Variants in SMYD3 observed in about 807,000 individuals in gnomAD.
The protein encoded by SMYD3 is SET and MYND domain containing 3, also known as histone-lysine N-methyltransferase SMYD3.
In SMYD3, 36 loss-of-function variants were observed where a neutral mutation model predicts 57.7. The ratio of observed to expected loss-of-function variants is 0.62; its 90% CI spans 0.48 to 0.82. The LOEUF (loss-of-function observed/expected upper bound fraction) is 0.82. SMYD3 is among the 40% of genes least tolerant of loss of function. The probability of loss-of-function intolerance (pLI) is 0.00; values close to 1 mark genes in which losing one functional copy is unlikely to be tolerated. For synonymous variants in SMYD3, 211 were observed against 195.0 expected (o/e 1.08, Z -0.68); for missense variants, 515 against 538.8 (o/e 0.96, Z 0.44).
intron 5 of SMYD3, among the ~76,000 whole-genome samples, chr1:246,063,105 AC>A (rs1006313248): frequency 1.3e-5 from 2 of 152,188 alleles, no homozygotes; most frequent in African/African-American, 4.8e-5. Flanking sequence ...GGCTCGGCAC[AC>A]AGTCGTACTC....
intron 10 of SMYD3, among the ~76,000 whole-genome samples, chr1:245,849,901 C>T (rs190678091): frequency 6.6e-6 from 1 of 152,300 alleles, no homozygotes; most frequent in East Asian, 1.9e-4. Flanking sequence ...AATATGCCTG[C>T]CTTGGCCTCC....
chr1:246,139,752 AT>A (rs2061722344), intron 5 of SMYD3, among the ~76,000 whole-genome samples: 1 of 152,212 alleles, frequency 6.6e-6, no homozygotes, highest in Non-Finnish European at 1.5e-5. Flanking sequence ...TATTTCTCCA[AT>A]TTTGTTTTGT....
At chr1:246,382,637 C>A (rs2066407619) in intron 1 of SMYD3, among the ~76,000 whole-genome samples, 1 of 152,174 alleles carries the variant, frequency 6.6e-6, no homozygotes, top group South Asian at 2.1e-4. Flanking sequence ...TCCAAGTCCA[C>A]CCTGGTCAAC....
At chr1:246,391,072 A>C (rs890719773) in intron 1 of SMYD3, among the ~76,000 whole-genome samples, 3 of 152,126 alleles carry the variant, frequency 2.0e-5, no homozygotes, top group African/African-American at 7.2e-5. Flanking sequence ...AAAGGAAGAG[A>C]CCATCAGGCT....
intron 7 of SMYD3, among the ~76,000 whole-genome samples, chr1:245,922,795 T>C (rs2056072596): frequency 6.6e-6 from 1 of 152,194 alleles, no homozygotes; most frequent in Non-Finnish European, 1.5e-5. Context: ...TGCGTAGTAG[T>C]AAGTGTAGCA....
chr1:246,393,645 C>T (rs1330082993), intron 1 of SMYD3, among the ~76,000 whole-genome samples: 1 of 142,102 alleles, frequency 7.0e-6, no homozygotes, highest in Non-Finnish European at 1.5e-5. Flanking sequence ...TTGGGACCAG[C>T]CTGAGCAACA....
At chr1:245,779,391 C>T (rs1265739506) in intron 10 of SMYD3, among the ~76,000 whole-genome samples, 1 of 152,072 alleles carries the variant, frequency 6.6e-6, no homozygotes, top group Non-Finnish European at 1.5e-5. Flanking sequence ...AAAAAATGAT[C>T]AACATAATTA....
intron 5 of SMYD3, among the ~76,000 whole-genome samples, chr1:246,037,053 C>T (rs1288675487): frequency 6.6e-6 from 1 of 152,062 alleles, no homozygotes; most frequent in Non-Finnish European, 1.5e-5. Flanking sequence ...TACAGATAGA[C>T]ATTTAGGTTA....
chr1:246,214,186 G>A (rs1164885417), intron 5 of SMYD3, among the ~76,000 whole-genome samples: 2 of 152,136 alleles, frequency 1.3e-5, no homozygotes, highest in Non-Finnish European at 2.9e-5. Context: ...GGTTGAAAAA[G>A]ACAAGAGAGG....
intron 5 of SMYD3, among the ~76,000 whole-genome samples, chr1:246,256,567 T>C (rs2063898544): frequency 6.6e-6 from 1 of 152,206 alleles, no homozygotes; most frequent in Non-Finnish European, 1.5e-5. Context: ...TTTGAACTTC[T>C]TTTTTGTTAA....
chr1:246,225,837 G>A (rs1558329246), intron 5 of SMYD3, among the ~76,000 whole-genome samples: 2 of 152,178 alleles, frequency 1.3e-5, no homozygotes, highest in African/African-American at 2.4e-5. Context: ...TTAAAAATGT[G>A]TGCAAAATAG....
At chr1:245,881,172 A>G (rs1408314058) in intron 8 of SMYD3, among the ~76,000 whole-genome samples, 3 of 152,188 alleles carry the variant, frequency 2.0e-5, no homozygotes, top group African/African-American at 7.2e-5. Context: ...TATACCACCA[A>G]ACCAACACTG....
chr1:246,134,545 GAAAT>G (rs2061638342), intron 5 of SMYD3, among the ~76,000 whole-genome samples: 1 of 151,962 alleles, frequency 6.6e-6, no homozygotes, highest in Non-Finnish European at 1.5e-5. Flanking sequence ...TGAATCCATT[GAAAT>G]AATATGCAAA....
intron 1 of SMYD3, among the ~76,000 whole-genome samples, chr1:246,421,688 G>C (rs1035039930): frequency 1.3e-5 from 2 of 152,176 alleles, no homozygotes; most frequent in Non-Finnish European, 2.9e-5. Context: ...AAATAGAAGA[G>C]ATGATTAAGT....
intron 5 of SMYD3, among the ~76,000 whole-genome samples, chr1:246,239,677 C>T (rs2063572763): frequency 6.6e-6 from 1 of 152,200 alleles, no homozygotes; most frequent in South Asian, 2.1e-4. Context: ...CTGTCTTCCA[C>T]AATGGTTGAA....
chr1:246,068,298 AAAAG>A (rs2060381936), intron 5 of SMYD3, among the ~76,000 whole-genome samples: 1 of 152,026 alleles, frequency 6.6e-6, no homozygotes, highest in Non-Finnish European at 1.5e-5. Context: ...AAAAAAAAAA[AAAAG>A]AACACCCACG....
At chr1:246,054,724 G>A (rs1185727722) in intron 5 of SMYD3, among the ~76,000 whole-genome samples, 2 of 151,902 alleles carry the variant, frequency 1.3e-5, no homozygotes, top group Admixed American at 1.3e-4. Context: ...GTGGGTGAGG[G>A]ATAGACTGAA....
chr1:246,150,523 G>C (rs1383303684), intron 5 of SMYD3, among the ~76,000 whole-genome samples: 2 of 152,266 alleles, frequency 1.3e-5, no homozygotes, highest in South Asian at 2.1e-4. Flanking sequence ...TACATCTGTT[G>C]GTTAAAATGA....
intron 1 of SMYD3, among the ~76,000 whole-genome samples, chr1:246,430,715 G>A (rs192529097): frequency 1.8e-3 from 279 of 152,244 alleles, no homozygotes; most frequent in Non-Finnish European, 3.1e-3. Context: ...TTTTATCTGG[G>A]GGTCATCAGG....
Sources: allele counts gnomAD v4.1 joint callset (sites outside exome capture counted in the v4.1 genomes callset), GRCh38; gene constraint gnomAD v4.1.1; transcripts MANE v1.5; gene names NCBI Gene and HGNC (gene_info 2026-07-23, HGNC 2026-07-21).